The following DNM2 variants were observed in gnomAD, a reference collection of about 807,000 sequenced individuals.
The protein encoded by DNM2 is dynamin 2.
A neutral mutation model predicts 99.0 loss-of-function variants in DNM2; 15 were observed. The ratio of observed to expected loss-of-function variants is 0.15; its 90% CI spans 0.10 to 0.23. The LOEUF (loss-of-function observed/expected upper bound fraction) is 0.23, where lower values mean the gene tolerates loss of function less well. Among genes scored for constraint, DNM2 ranks in the 10% least tolerant of loss-of-function variants. The probability of loss-of-function intolerance (pLI) is 1.00; values close to 1 mark genes in which losing one functional copy is unlikely to be tolerated. For synonymous variants in DNM2, 525 were observed against 481.2 expected (o/e 1.09, Z -1.19); for missense variants, 742 against 1,189.4 (o/e 0.62, Z 5.53).
At chr19:10,785,329 G>T (rs1018088023) in intron 6 of DNM2, among the ~76,000 whole-genome samples, 36 of 148,336 alleles carry the variant, frequency 2.4e-4, no homozygotes, top group Non-Finnish European at 1.2e-4. Flanking sequence ...GGGTTTCACC[G>T]TGTTAGCTGG....
chr19:10,821,961 C>A (rs2072985311), intron 16 of DNM2, among the ~76,000 whole-genome samples: 1 of 152,204 alleles, frequency 6.6e-6, no homozygotes, highest in Non-Finnish European at 1.5e-5. Flanking sequence ...CAACCTCATC[C>A]AGAGGTCGTT....
rs2072837466 is a variant in DNM2, at chr19:10,818,219, ATGCTCTGCTCCCTCCATGGCCACCG to A, written c.1672-1760_1672-1736del. Among the ~76,000 whole-genome samples, 3 of 106,066 alleles carry A rather than the reference ATGCTCTGCTCCCTCCATGGCCACCG, an allele frequency of 2.8e-5. No individual in the cohort carries two copies. The highest frequency in any genetic ancestry group is 9.6e-5 in the African/African-American group (3 of 31,254). The allele number at this position is 106,066 out of a possible 152,430, so 69.6% of individuals were successfully genotyped here. A position where few individuals can be genotyped will look rare whatever the true frequency, so the allele number is the denominator to read the frequency against. On this transcript the variant is annotated intron_variant, in intron 15 of 20. Transcript: ENST00000389253. The surrounding 1 kb of genome is among the most constrained non-coding windows in gnomAD (Gnocchi z 4.3). ...TCCATGGCCACCGGGCCCCTCTCCTATGCTCTGCTCCCTCCATGGCCACCGGGCCCCTCTCCTATGCTCTGCTCCC... is the reference window on the plus strand; with the variant it reads ...TCCATGGCCACCGGGCCCCTCTCCTAGGCCCCTCTCCTATGCTCTGCTCCC...
chr19:10,723,637 G>T (rs2069015425), intron 1 of DNM2, among the ~76,000 whole-genome samples: 1 of 152,226 alleles, frequency 6.6e-6, no homozygotes, highest in African/African-American at 2.4e-5. Context: ...AAGTGAGACA[G>T]TTTGGAGTGC....
chr19:10,786,527 A>G (rs2071565523), intron 6 of DNM2, 37 bp from the exon 7 acceptor site: 2 of 1,613,312 alleles, frequency 1.2e-6, no homozygotes, highest in East Asian at 2.2e-5. Context: ...TATCCTGCCC[A>G]TGCCACCCTT....
At chr19:10,726,611 A>C (rs1024549887) in intron 1 of DNM2, among the ~76,000 whole-genome samples, 1 of 152,116 alleles carries the variant, frequency 6.6e-6, no homozygotes, top group African/African-American at 2.4e-5. Flanking sequence ...TACGGTGATG[A>C]GAAATGGGAG....
intron 17 of DNM2, chr19:10,824,686 C>T (rs2073086355): frequency 6.3e-6 from 2 of 315,194 alleles, no homozygotes; most frequent in Non-Finnish European, 1.2e-5. Flanking sequence ...CCCTGTAATC[C>T]CATCTACTCC....
intron 1 of DNM2, among the ~76,000 whole-genome samples, chr19:10,756,585 C>T (rs2070393156): frequency 6.6e-6 from 1 of 152,182 alleles, no homozygotes; most frequent in Admixed American, 6.5e-5. Flanking sequence ...GTCCCTCGGG[C>T]TCTTTGTCAT....
rs146647544 is a variant in DNM2, at chr19:10,815,017, CCATGG to C, written c.1671+2642_1671+2646del. ...AGAAGACTGCAGGCTGTCCTGTGAGCCATGGCTGTGTTATGTGGGCAATGGATTTG... is the reference window on the plus strand; with the variant it reads ...AGAAGACTGCAGGCTGTCCTGTGAGCCTGTGTTATGTGGGCAATGGATTTG... On this transcript the variant is annotated intron_variant, in intron 15 of 20. Transcript: ENST00000389253. Among the ~76,000 whole-genome samples the C allele has an allele frequency of 8.5e-5, 13 of 152,282 alleles. No homozygotes were observed. In the East Asian group the frequency reaches 2.5e-3, roughly 29 times the overall value.
intron 5 of DNM2, among the ~76,000 whole-genome samples, 163 bp from the exon 6 acceptor site, chr19:10,782,797 T>C (rs889359451): frequency 1.3e-5 from 2 of 152,262 alleles, no homozygotes; most frequent in African/African-American, 4.8e-5. Context: ...GCAGCTGCCA[T>C]GTGCATTCGC....
rs1230615840 is a variant in DNM2 at position 10,818,313 on chromosome 19, T to C, written c.1672-1667T>C. ...CTCTTCCTATGCTCTGCCCTACTTCTTTGCCTAGAGCCTGGCAGGCTAATC... is the reference window on the plus strand; with the variant it reads ...CTCTTCCTATGCTCTGCCCTACTTCCTTGCCTAGAGCCTGGCAGGCTAATC... On this transcript the variant is annotated intron_variant, in intron 15 of 20. Transcript: ENST00000389253. The surrounding 1 kb of genome is among the most constrained non-coding windows in gnomAD (Gnocchi z 4.3). Among the ~76,000 whole-genome samples the C allele has an allele frequency of 1.3e-5, 2 of 152,164 alleles. No individual in the cohort carries two copies. Among genetic ancestry groups the C allele is most frequent in the Non-Finnish European group, 2.9e-5 (2 of 68,038 alleles).
Position 10,830,927 on chromosome 19 carries a change from C to T in DNM2, c.2544-51C>T, listed in dbSNP as rs1350396029. On this transcript the variant is annotated intron_variant, in intron 20 of 20. Coordinates refer to ENST00000389253, the MANE Select transcript of DNM2 (RefSeq NM_001005361.3). This position sits in a 1 kb window ranked among gnomAD's most constrained non-coding sequence, Gnocchi z 4.8. ...CTCAACCCAGGCCTGCCTCTTGCTCCCGGCCTCACTGCCGTCTCCCCCTCC... is the reference window on the plus strand; with the variant it reads ...CTCAACCCAGGCCTGCCTCTTGCTCTCGGCCTCACTGCCGTCTCCCCCTCC... 4 of 1,576,022 alleles carry T rather than the reference C, an allele frequency of 2.5e-6. No individual in the cohort carries two copies. In the South Asian group the frequency reaches 3.5e-5, roughly 14 times the overall value.
At chr19:10,729,185 A>T (rs1033700181) in intron 1 of DNM2, among the ~76,000 whole-genome samples, 142 of 124,456 alleles carry the variant, frequency 1.1e-3, no homozygotes, top group African/African-American at 4.3e-3. Flanking sequence ...AAAAAAAAAA[A>T]AAAAATATAA....
intron 15 of DNM2, among the ~76,000 whole-genome samples, chr19:10,813,685 G>C (rs1176841093): frequency 6.6e-6 from 1 of 151,994 alleles, no homozygotes; most frequent in Non-Finnish European, 1.5e-5. Flanking sequence ...AATTAGCTGG[G>C]CATGGTGGTG....
At chr19:10,803,384 A>G (rs1599585314) in intron 12 of DNM2, among the ~76,000 whole-genome samples, 1 of 152,170 alleles carries the variant, frequency 6.6e-6, no homozygotes, top group African/African-American at 2.4e-5. Context: ...CCTCATCAGA[A>G]CCCCTCCTAG....
rs150328965 is a variant in DNM2, at chr19:10,776,207, G to T, written c.589+301G>T. Among the ~76,000 whole-genome samples the T allele has an allele frequency of 4.9e-4, 74 of 152,282 alleles. No homozygotes were observed. The Middle Eastern group carries it at 0.01, about 21-fold the overall frequency. ...CTCCATCGCCCAGATGCGATCTTAG[G>T]TCCCATCTAGCTGTTACTCTGCTCC... On this transcript the variant is annotated intron_variant, in intron 4 of 20. Transcript: ENST00000389253.
At chr19:10,753,369 T>C (rs1192179876) in intron 1 of DNM2, among the ~76,000 whole-genome samples, 4 of 151,446 alleles carry the variant, frequency 2.6e-5, no homozygotes, top group Admixed American at 6.6e-5. Context: ...GACTTTCTTC[T>C]GTACCTTTTC....
In DNM2 at chr19:10,775,923, G is replaced by T. The variant is rs374377836; in HGVS notation, c.589+17G>T. On this transcript the variant is annotated intron_variant, in intron 4 of 20. Coordinates refer to ENST00000389253, the MANE Select transcript of DNM2 (RefSeq NM_001005361.3). This position sits in a 1 kb window ranked among gnomAD's most constrained non-coding sequence, Gnocchi z 4.3. ...ATCCCCAAGGTAACCCTGAGCCTAG[G>T]GCAGTCCCCTCTTCCAGGTGCCTCT... The T allele has an allele frequency of 4.0e-5, 64 of 1,607,898 alleles. No homozygotes were observed. The African/African-American group carries it at 7.5e-4, about 19-fold the overall frequency.
At chr19:10,825,480 C>G (rs1599631993) in intron 18 of DNM2, among the ~76,000 whole-genome samples, 1 of 152,130 alleles carries the variant, frequency 6.6e-6, no homozygotes, top group African/African-American at 2.4e-5. Context: ...ACTAGACTGA[C>G]CAACATGGTG....
chr19:10,730,030 T>C (rs912616588), intron 1 of DNM2, among the ~76,000 whole-genome samples: 1 of 152,080 alleles, frequency 6.6e-6, no homozygotes, highest in South Asian at 2.1e-4. Flanking sequence ...GCCCAACTAA[T>C]GTTTATAATC....
Sources: allele counts gnomAD v4.1 joint callset (sites outside exome capture counted in the v4.1 genomes callset), GRCh38; gene constraint gnomAD v4.1.1; non-coding constraint Gnocchi (gnomAD v3.1); transcripts MANE v1.5; gene names NCBI Gene and HGNC (gene_info 2026-07-23, HGNC 2026-07-21).